MARK3: variants seen among roughly 807,000 people sequenced by gnomAD.
The protein encoded by MARK3 is MAP/microtubule affinity-regulating kinase 3.
A neutral mutation model predicts 90.1 loss-of-function variants in MARK3; 46 were observed. That is an observed-to-expected ratio of 0.51 (90% confidence interval 0.40 to 0.65). The LOEUF (loss-of-function observed/expected upper bound fraction) is 0.65, where lower values mean the gene tolerates loss of function less well. Among genes scored for constraint, MARK3 ranks in the 30% least tolerant of loss-of-function variants. The pLI is 0.00. For missense variants in MARK3, 818 were observed against 947.2 expected (o/e 0.86, Z 1.79); for synonymous variants, 321 against 332.6 (o/e 0.97, Z 0.38).
chr14:103,392,834 G>A (rs1283918965), intron 1 of MARK3, among the ~76,000 whole-genome samples: 2 of 150,902 alleles, frequency 1.3e-5, no homozygotes, highest in South Asian at 2.1e-4. Flanking sequence ...TTCCTGAGGC[G>A]GAGTCTCACA....
intron 2 of MARK3, among the ~76,000 whole-genome samples, chr14:103,407,555 T>C (rs1250441372): frequency 3.8e-5 from 1 of 26,610 alleles, no homozygotes; most frequent in Non-Finnish European, 7.5e-5. Flanking sequence ...GTTTTGCCTC[T>C]TTTTTTTTTT....
chr14:103,469,291 C>T (rs1210634264), intron 12 of MARK3: 1 of 151,368 alleles, frequency 6.6e-6, no homozygotes. Flanking sequence ...CAGCAGTTCT[C>T]CTGCCTCAGC....
At chr14:103,433,637 A>C (rs527383347) in intron 3 of MARK3, among the ~76,000 whole-genome samples, 1 of 152,032 alleles carries the variant, frequency 6.6e-6, no homozygotes, top group East Asian at 2.0e-4. Flanking sequence ...GTGAGCCGAG[A>C]TCACACCACT....
chr14:103,494,339 G>A (rs1485042774), intron 15 of MARK3, among the ~76,000 whole-genome samples: 1 of 151,500 alleles, frequency 6.6e-6, no homozygotes, highest in African/African-American at 2.4e-5. Flanking sequence ...ATCACCTGAG[G>A]TCGGGAATTT....
intron 1 of MARK3, among the ~76,000 whole-genome samples, chr14:103,398,356 CCTAT>C (rs1195439441): frequency 2.0e-5 from 3 of 152,144 alleles, no homozygotes; most frequent in African/African-American, 4.8e-5. Context: ...CTGCCTTTTC[CCTAT>C]CTAACAGGCC....
chr14:103,458,952 A>T (rs894083549), intron 6 of MARK3, among the ~76,000 whole-genome samples: 8 of 150,508 alleles, frequency 5.3e-5, no homozygotes, highest in African/African-American at 2.0e-4. Flanking sequence ...TAAAGCTATA[A>T]AAAAAAAAGA....
At chr14:103,389,715 A>C (rs1484305877) in intron 1 of MARK3, among the ~76,000 whole-genome samples, 1 of 147,920 alleles carries the variant, frequency 6.8e-6, no homozygotes, top group Non-Finnish European at 1.5e-5. Flanking sequence ...AGGCCGGGGC[A>C]GGTGGATCAC....
chr14:103,423,218 TCC>T (rs1566815582), intron 2 of MARK3, among the ~76,000 whole-genome samples: 15 of 142,084 alleles, frequency 1.1e-4, no homozygotes, highest in East Asian at 2.1e-4. Flanking sequence ...TTTTTTTGCC[TCC>T]TCTTTTACTG....
At chr14:103,422,399 G>A (rs1208711682) in intron 2 of MARK3, among the ~76,000 whole-genome samples, 1 of 152,322 alleles carries the variant, frequency 6.6e-6, no homozygotes, top group East Asian at 1.9e-4. Context: ...AGGTTGCAGT[G>A]AGCCAAGATC....
chr14:103,488,418 G>A (rs1452731437), intron 14 of MARK3, among the ~76,000 whole-genome samples: 1 of 152,168 alleles, frequency 6.6e-6, no homozygotes, highest in Non-Finnish European at 1.5e-5. Flanking sequence ...TCTCATTATT[G>A]TTGCTGCAGG....
intron 2 of MARK3, chr14:103,412,468 C>T (rs2091701466): frequency 3.7e-6 from 2 of 533,816 alleles, no homozygotes; most frequent in Non-Finnish European, 6.7e-6. Context: ...TGGCCAGCTT[C>T]TTGACCAGAT....
intron 5 of MARK3, 31 bp downstream of exon 5, chr14:103,452,014 TTTTC>T: frequency 3.4e-6 from 5 of 1,471,822 alleles, no homozygotes; most frequent in Non-Finnish European, 4.7e-6. Flanking sequence ...ATTGGGTTTT[TTTTC>T]TTTCTCCCTT....
chr14:103,450,677 C>T (rs1305508581), intron 4 of MARK3, among the ~76,000 whole-genome samples: 1 of 152,086 alleles, frequency 6.6e-6, no homozygotes, highest in Non-Finnish European at 1.5e-5. Context: ...ATCAGTTCAT[C>T]AAACATTTAC....
intron 5 of MARK3, among the ~76,000 whole-genome samples, chr14:103,455,325 C>T (rs150323818): frequency 2.4e-4 from 37 of 152,304 alleles, no homozygotes; most frequent in African/African-American, 8.4e-4. Flanking sequence ...ATAGGTCATT[C>T]GCATAGAAAA....
At chr14:103,393,762 CTT>C (rs36003065) in intron 1 of MARK3, among the ~76,000 whole-genome samples, 127 of 145,372 alleles carry the variant, frequency 8.7e-4, no homozygotes, top group Admixed American at 8.2e-4. Context: ...CATTTTATTA[CTT>C]TTTTTTTTTT....
At chr14:103,413,524 A>G (rs1394698503) in intron 2 of MARK3, among the ~76,000 whole-genome samples, 1 of 151,134 alleles carries the variant, frequency 6.6e-6, no homozygotes, top group Admixed American at 6.6e-5. Flanking sequence ...TTTGGACTCA[A>G]GCAACCTCCC....
intron 1 of MARK3, among the ~76,000 whole-genome samples, chr14:103,395,323 C>T (rs1033165710): frequency 2.6e-5 from 4 of 151,318 alleles, no homozygotes; most frequent in African/African-American, 9.7e-5. Flanking sequence ...CTCGGCTGTG[C>T]CTCATGGTTT....
intron 5 of MARK3, among the ~76,000 whole-genome samples, chr14:103,454,104 A>G (rs1159046768): frequency 6.6e-6 from 1 of 152,202 alleles, no homozygotes; most frequent in African/African-American, 2.4e-5. Flanking sequence ...AGTGGCCCTC[A>G]TTGGCCATGT....
At chr14:103,426,358 G>A (rs147063074) in intron 2 of MARK3, among the ~76,000 whole-genome samples, 11 of 151,020 alleles carry the variant, frequency 7.3e-5, no homozygotes, top group African/African-American at 2.7e-4. Flanking sequence ...GGGGGAATGA[G>A]TAATCTTTAA....
Sources: gnomAD v4.1 joint callset for allele counts (sites outside exome capture counted in the v4.1 genomes callset) on GRCh38, gnomAD v4.1.1 for gene constraint, MANE v1.5 for transcripts, NCBI Gene and HGNC (gene_info 2026-07-23, HGNC 2026-07-21) for gene names.